MICU3: variants seen among roughly 807,000 people sequenced by gnomAD.
The protein encoded by MICU3 is mitochondrial calcium uptake 3.
Under a neutral mutation model 66.5 loss-of-function variants are expected in MICU3, and 62 were observed. The ratio of observed to expected loss-of-function variants is 0.93; its 90% CI spans 0.76 to 1.15. The LOEUF is 1.15. MICU3 is among the 50% of genes most tolerant of loss of function. The pLI, the probability that MICU3 is intolerant of heterozygous loss-of-function variation, is 0.00. For missense variants in MICU3, 779 were observed against 664.4 expected (o/e 1.17, Z -1.90); for synonymous variants, 308 against 240.7 (o/e 1.28, Z -2.59).
intron 2 of MICU3, among the ~76,000 whole-genome samples, chr8:17,067,410 C>T (rs1818886291): frequency 6.6e-6 from 1 of 151,240 alleles, no homozygotes; most frequent in African/African-American, 2.4e-5. Context: ...TCATCATCGT[C>T]ATCAGAATTC....
At chr8:17,106,434 C>T (rs542175609) in intron 11 of MICU3, among the ~76,000 whole-genome samples, 7 of 150,618 alleles carry the variant, frequency 4.6e-5, no homozygotes, top group Admixed American at 6.6e-5. Context: ...ACATGTTAAA[C>T]GGAATTTTTC....
At position 17,121,342 on chromosome 8, in the gene MICU3, T is replaced by G. The variant is rs1803183731; in HGVS notation, c.*1055T>G. The G allele has an allele frequency of 6.6e-6, 1 of 151,828 alleles. No homozygotes were observed. Among genetic ancestry groups the G allele is most frequent in the Admixed American group, 6.6e-5 (1 of 15,248 alleles). 9.4% of individuals were successfully genotyped at this position (151,828 alleles called of 1,614,324 possible). A position where few individuals can be genotyped will look rare whatever the true frequency, so the allele number is the denominator to read the frequency against. ...GTAATAATAATTTAAATATAATTTA[T>G]TATTTCAAAAGAATATGTCTTAAAA... On this transcript the variant is annotated 3_prime_UTR_variant, in exon 15 of 15. Transcript: ENST00000318063.
intron 1 of MICU3, among the ~76,000 whole-genome samples, chr8:17,044,116 C>G (rs1223918745): frequency 2.0e-5 from 3 of 151,942 alleles, no homozygotes; most frequent in Admixed American, 6.6e-5. Flanking sequence ...TGTTCCTATA[C>G]CCACACCTTT....
chr8:17,127,663 TG>T, the MICU3 span, among the ~76,000 whole-genome samples: 1 of 152,218 alleles, frequency 6.6e-6, no homozygotes, highest in Non-Finnish European at 1.5e-5. Context: ...CACATAAAGA[TG>T]TATGTTAGTA....
intron 5 of MICU3, among the ~76,000 whole-genome samples, chr8:17,083,866 C>T (rs1442683888): frequency 1.3e-5 from 2 of 152,000 alleles, no homozygotes; most frequent in African/African-American, 2.4e-5. Context: ...AGCTAAGTAC[C>T]TAAACCAGCA....
At chr8:17,049,643 A>C (rs752266212) in intron 1 of MICU3, 1 of 518,282 alleles carries the variant, frequency 1.9e-6, no homozygotes, top group Non-Finnish European at 3.9e-6. Flanking sequence ...CAAAACCCAT[A>C]TACTTTCATT....
chr8:17,064,171 T>C lies in MICU3; in HGVS notation c.469T>C (p.Cys157Arg), dbSNP rs992040526. 6.2e-7 allele frequency: 1 copy of C among 1,613,312 alleles called. No individual in the cohort carries two copies. The highest frequency in any genetic ancestry group is 8.5e-7 in the Non-Finnish European group (1 of 1,179,438). ...RRFRLFASIE[C>R]EGQLFMTPYD... The stretch of plus-strand genomic sequence containing the variant: ...ATTTCGTTTATTTGCTTCTATAGAA[T>C]GTGAAGGGCAGTTATTCATGACTCC... The change falls in exon 2 of 15, where the codon TGT becomes CGT. Residue 157 changes from cysteine to arginine, a missense_variant. Coordinates refer to ENST00000318063, the MANE Select transcript of MICU3 (RefSeq NM_181723.3).
chr8:17,053,812 T>G (rs774028510), intron 1 of MICU3, among the ~76,000 whole-genome samples: 1 of 152,194 alleles, frequency 6.6e-6, no homozygotes, highest in Non-Finnish European at 1.5e-5. Context: ...AAGAAGAAGA[T>G]TCCCTAAACG....
chr8:17,111,276 C>T (rs1317330928), intron 11 of MICU3, among the ~76,000 whole-genome samples: 1 of 151,966 alleles, frequency 6.6e-6, no homozygotes, highest in Non-Finnish European at 1.5e-5. Flanking sequence ...CAACTATTTT[C>T]TCCCATTTTG....
chr8:17,094,964 C>T (rs1054049188), intron 8 of MICU3, among the ~76,000 whole-genome samples: 14 of 151,888 alleles, frequency 9.2e-5, no homozygotes, highest in South Asian at 4.1e-4. Flanking sequence ...GTTTATCTTC[C>T]GGTTCATTAA....
At chr8:17,074,073 T>A (rs945566229) in intron 3 of MICU3, among the ~76,000 whole-genome samples, 13 of 151,526 alleles carry the variant, frequency 8.6e-5, no homozygotes, top group Non-Finnish European at 2.9e-5. Context: ...TTTTATTTTT[T>A]ATTTTTAGTA....
chr8:17,080,181 G>A (rs1027975321), intron 4 of MICU3, among the ~76,000 whole-genome samples: 3 of 151,686 alleles, frequency 2.0e-5, no homozygotes, highest in Admixed American at 6.6e-5. Context: ...AAAATATACC[G>A]TTCATCTTCA....
chr8:17,087,297 G>C (rs904037342), intron 7 of MICU3, among the ~76,000 whole-genome samples: 1 of 151,658 alleles, frequency 6.6e-6, no homozygotes, highest in Admixed American at 6.6e-5. Flanking sequence ...GATTTGAAGG[G>C]TATATCATAC....
chr8:17,038,240 T>C (rs1324329249), intron 1 of MICU3, among the ~76,000 whole-genome samples: 1 of 152,200 alleles, frequency 6.6e-6, no homozygotes, highest in Non-Finnish European at 1.5e-5. Context: ...TGAATTGTAA[T>C]AATCCCCACG....
At chr8:17,101,828 T>G (rs900761322) in intron 9 of MICU3, among the ~76,000 whole-genome samples, 2 of 151,818 alleles carry the variant, frequency 1.3e-5, no homozygotes, top group Admixed American at 6.6e-5. Context: ...TTCATTAAGA[T>G]TCAACATTCT....
In MICU3 at chr8:17,064,081, T is replaced by C; in HGVS notation, c.382-3T>C. On this transcript the variant is annotated splice_region_variant and splice_polypyrimidine_tract_variant and intron_variant, in intron 1 of 14. Coordinates refer to ENST00000318063, the MANE Select transcript of MICU3 (RefSeq NM_181723.3). ...CCAAATGTATTTGCTTTCTTAACTT[T>C]AGGTTGCTATTGGCAGAACAGACAT... The C allele has an allele frequency of 6.2e-7, 1 of 1,606,668 alleles. No homozygotes were observed. The highest frequency in any genetic ancestry group is 8.5e-7 in the Non-Finnish European group (1 of 1,176,412).
intron 1 of MICU3, chr8:17,049,670 TG>T: frequency 1.9e-6 from 1 of 515,048 alleles, no homozygotes; most frequent in Admixed American, 1.9e-5. Flanking sequence ...TAACAAGTTG[TG>T]TAATGTGAAA....
chr8:17,104,994 CAAAAAAAAAAAAA>C (rs746149322), intron 10 of MICU3, among the ~76,000 whole-genome samples: 230 of 8,722 alleles, frequency 0.026, 59 homozygotes, highest in African/African-American at 0.11. Context: ...GACTCCGTCT[CAAAAAAAAAAAAA>C]AAAAAAAAAA....
Position 17,077,774 on chromosome 8 carries a change from C to G in MICU3, c.568-9C>G. 6.3e-7 allele frequency: 1 copy of G among 1,599,844 alleles called. No individual in the cohort carries two copies. The highest frequency in any genetic ancestry group is 8.6e-7 in the Non-Finnish European group (1 of 1,168,764). On this transcript the variant is annotated splice_polypyrimidine_tract_variant and intron_variant, in intron 3 of 14. Transcript: ENST00000318063. ...TACCAATTCATCAGTAGTATAACTT[C>G]TGTCATAGGAATTAAATCAAATGCT...
Sources: allele counts gnomAD v4.1 joint callset (sites outside exome capture counted in the v4.1 genomes callset), GRCh38; gene constraint gnomAD v4.1.1; transcripts MANE v1.5; gene names NCBI Gene and HGNC (gene_info 2026-07-23, HGNC 2026-07-21).